RNF144B: variants seen among roughly 807,000 people sequenced by gnomAD.
RNF144B encodes ring finger protein 144B.
In RNF144B, 25 loss-of-function variants were observed where a neutral mutation model predicts 40.2. The observed-to-expected ratio is 0.62, with a 90% CI of 0.45 to 0.87. The LOEUF (loss-of-function observed/expected upper bound fraction) is 0.87, where lower values mean the gene tolerates loss of function less well. RNF144B is among the 40% of genes least tolerant of loss of function. RNF144B has a pLI of 0.00. For synonymous variants in RNF144B, 145 were observed against 136.3 expected, an observed-to-expected ratio of 1.06 and a Z score of -0.44; for missense variants, 365 against 373.7, an observed-to-expected ratio of 0.98 and a Z score of 0.19.
At position 18,399,573 on chromosome 6, in the gene RNF144B, T is replaced by G; in HGVS notation, c.39T>G (p.Thr13=). 9 of 1,614,158 alleles carry G rather than the reference T, an allele frequency of 5.6e-6. No homozygotes were observed. The highest frequency in any genetic ancestry group is 7.6e-6 in the Non-Finnish European group (9 of 1,180,014). Residue 13 remains threonine, a synonymous_variant, in exon 2 of 8, where the codon ACT becomes ACG. Transcript: ENST00000259939. ...SAGRLHYLAM[T]AENPTPGDLA... is the part of the protein sequence containing the mutation. ...GTAGGCTCCACTATCTCGCCATGAC[T>G]GCTGAAAATCCCACTCCTGGAGACC...
intron 1 of RNF144B, among the ~76,000 whole-genome samples, chr6:18,389,491 A>G (rs1215875002): frequency 6.6e-6 from 1 of 152,206 alleles, no homozygotes; most frequent in Non-Finnish European, 1.5e-5. Context: ...TCATTTCAAT[A>G]TTTTAGACGT....
At chr6:18,453,430 A>C (rs554354) in intron 4 of RNF144B, among the ~76,000 whole-genome samples, 32,969 of 151,538 alleles carry the variant, frequency 0.22, 3,585 homozygotes, top group East Asian at 0.26. Context: ...GAGCTACTGC[A>C]CCCAGCCTGC....
At chr6:18,427,254 A>AT (rs1388131970) in intron 2 of RNF144B, among the ~76,000 whole-genome samples, 2 of 104,024 alleles carry the variant, frequency 1.9e-5, no homozygotes, top group East Asian at 2.7e-4. Flanking sequence ...TTAGGAACTC[A>AT]TATTTTTTTT....
chr6:18,408,523 T>C (rs1400189987), intron 2 of RNF144B, among the ~76,000 whole-genome samples: 1 of 152,232 alleles, frequency 6.6e-6, no homozygotes, highest in Non-Finnish European at 1.5e-5. Context: ...ATGACTGTAG[T>C]GGAAACTGTG....
intron 3 of RNF144B, among the ~76,000 whole-genome samples, chr6:18,431,065 A>T (rs958817439): frequency 2.0e-5 from 3 of 151,824 alleles, no homozygotes; most frequent in Non-Finnish European, 4.4e-5. Context: ...ACACAGTGAA[A>T]CCCCTTTCTA....
chr6:18,454,354 AG>A (rs1401744088), intron 4 of RNF144B, among the ~76,000 whole-genome samples: 1 of 152,086 alleles, frequency 6.6e-6, no homozygotes, highest in East Asian at 1.9e-4. Flanking sequence ...GGAAGGTTCA[AG>A]GGGGTTGGGA....
intron 1 of RNF144B, among the ~76,000 whole-genome samples, chr6:18,397,201 AT>A (rs1029042663): frequency 3.3e-5 from 5 of 152,046 alleles, no homozygotes; most frequent in African/African-American, 1.2e-4. Context: ...TATCTCATTT[AT>A]TTTTTTCCTT....
At chr6:18,417,242 A>G (rs550521696) in intron 2 of RNF144B, among the ~76,000 whole-genome samples, 7 of 152,154 alleles carry the variant, frequency 4.6e-5, no homozygotes, top group Non-Finnish European at 7.4e-5. Context: ...CAAAATTCCT[A>G]TGGAAATTTG....
At chr6:18,426,212 G>T (rs988753600) in intron 2 of RNF144B, among the ~76,000 whole-genome samples, 1 of 152,164 alleles carries the variant, frequency 6.6e-6, no homozygotes, top group Non-Finnish European at 1.5e-5. Flanking sequence ...ATACATAAAT[G>T]TATAAATCTG....
chr6:18,424,858 A>G (rs1758510655), intron 2 of RNF144B, among the ~76,000 whole-genome samples: 1 of 152,206 alleles, frequency 6.6e-6, no homozygotes, highest in South Asian at 2.1e-4. Flanking sequence ...CTCCACCTTA[A>G]GTGGTTTAAC....
chr6:18,425,206 G>T lies in RNF144B; in HGVS notation c.166-2375G>T, dbSNP rs937260145. Among the ~76,000 whole-genome samples the T allele has an allele frequency of 6.6e-6, 1 of 152,202 alleles. No individual in the cohort carries two copies. The highest frequency in any genetic ancestry group is 1.5e-5 in the Non-Finnish European group (1 of 68,028). On this transcript the variant is annotated intron_variant, in intron 2 of 7. Coordinates refer to ENST00000259939, the MANE Select transcript of RNF144B (RefSeq NM_182757.4). This position sits in a 1 kb window ranked among gnomAD's most constrained non-coding sequence, Gnocchi z 4.2. ...AAGTGGACCCTCCACCCAGGTGTTA[G>T]GATCTGAAGTTCTTTGCATTGTTCA... is the stretch of plus-strand genomic sequence containing the variant.
chr6:18,413,861 GT>G (rs1795095007), intron 2 of RNF144B, among the ~76,000 whole-genome samples: 1 of 152,156 alleles, frequency 6.6e-6, no homozygotes, highest in Non-Finnish European at 1.5e-5. Context: ...ATTAAAGATT[GT>G]TTTAATATGG....
At chr6:18,396,822 G>T in intron 1 of RNF144B, 1 of 985,240 alleles carries the variant, frequency 1.0e-6, no homozygotes, top group Non-Finnish European at 1.2e-6. Flanking sequence ...GGAAGGAAAA[G>T]GTAAAGTCAT....
Position 18,419,192 on chromosome 6 carries a change from C to G in RNF144B, c.166-8389C>G, listed in dbSNP as rs1795204609. ...AATGTTATCTCTGAAGTTCCTTATC[C>G]TCTGTCCATCCACCCCTCCTCCTCC... is the stretch of plus-strand genomic sequence containing the variant. On this transcript the variant is annotated intron_variant, in intron 2 of 7. Transcript: ENST00000259939. The surrounding 1 kb of genome is among the most constrained non-coding windows in gnomAD (Gnocchi z 4.6). Among the ~76,000 whole-genome samples, 1 of 152,140 alleles carries G rather than the reference C, an allele frequency of 6.6e-6. No individual in the cohort carries two copies. The highest frequency in any genetic ancestry group is 2.4e-5 in the African/African-American group (1 of 41,430).
chr6:18,415,482 T>C (rs13214913), intron 2 of RNF144B, among the ~76,000 whole-genome samples: 144 of 152,126 alleles, frequency 9.5e-4, no homozygotes, highest in African/African-American at 3.3e-3. Context: ...GAGCACTCCC[T>C]TTAACCTTGA....
Position 18,425,426 on chromosome 6 carries a change from C to A in RNF144B, c.166-2155C>A, listed in dbSNP as rs1190257605. ...TGGACAGGCTTTCACACTGTTTATTCATTTGTCCCCTGGCAAAACACTCCT... is the reference window on the plus strand; with the variant it reads ...TGGACAGGCTTTCACACTGTTTATTAATTTGTCCCCTGGCAAAACACTCCT... On this transcript the variant is annotated intron_variant, in intron 2 of 7. Transcript: ENST00000259939. The surrounding 1 kb of genome is among the most constrained non-coding windows in gnomAD (Gnocchi z 4.2). Among the ~76,000 whole-genome samples, 4 of 152,138 alleles carry A rather than the reference C, an allele frequency of 2.6e-5. No individual in the cohort carries two copies. The highest frequency in any genetic ancestry group is 5.9e-5 in the Non-Finnish European group (4 of 68,032).
rs1795013506 is a variant in RNF144B at position 18,410,689 on chromosome 6, G to A, written c.165+10990G>A. On this transcript the variant is annotated intron_variant, in intron 2 of 7. Transcript: ENST00000259939. This position sits in a 1 kb window ranked among gnomAD's most constrained non-coding sequence, Gnocchi z 4.6. ...GACTAGATGGAGGGCCTGGTATGCT[G>A]TGTTAAAAAAACATTATGGAGCCAC... is the stretch of plus-strand genomic sequence containing the variant. Among the ~76,000 whole-genome samples the A allele has an allele frequency of 6.6e-6, 1 of 150,548 alleles. No individual in the cohort carries two copies. The highest frequency in any genetic ancestry group is 1.5e-5 in the Non-Finnish European group (1 of 67,830).
intron 3 of RNF144B, among the ~76,000 whole-genome samples, chr6:18,437,391 T>C (rs7753931): frequency 0.13 from 19,389 of 152,066 alleles, 1,386 homozygotes; most frequent in Admixed American, 0.19. Flanking sequence ...TGAGCTATGA[T>C]TGTACCACTG....
At chr6:18,455,026 T>C (rs1430653953) in intron 4 of RNF144B, among the ~76,000 whole-genome samples, 1 of 152,258 alleles carries the variant, frequency 6.6e-6, no homozygotes, top group African/African-American at 2.4e-5. Context: ...TATGGGAGTC[T>C]TTCACTCTAA....
Sources: allele counts gnomAD v4.1 joint callset (sites outside exome capture counted in the v4.1 genomes callset), GRCh38; gene constraint gnomAD v4.1.1; non-coding constraint Gnocchi (gnomAD v3.1); transcripts MANE v1.5; gene names NCBI Gene and HGNC (gene_info 2026-07-23, HGNC 2026-07-21).